The following LCORL variants were observed in gnomAD, a reference collection of about 807,000 sequenced individuals.
LCORL encodes ligand-dependent nuclear receptor corepressor-like protein.
In LCORL, 41 loss-of-function variants were observed where a neutral mutation model predicts 141.8. The observed-to-expected ratio is 0.29, with a 90% CI of 0.23 to 0.38. LCORL has a LOEUF of 0.38. Among genes scored for constraint, LCORL ranks in the 10% least tolerant of loss-of-function variants. LCORL has a pLI of 1.00. For synonymous variants in LCORL, 618 were observed against 694.1 expected (o/e 0.89, Z 1.72); for missense variants, 1,759 against 2,035.0 (o/e 0.86, Z 2.61).
intron 4 of LCORL, among the ~76,000 whole-genome samples, chr4:17,950,215 A>T (rs1170630929): frequency 1.3e-5 from 2 of 152,208 alleles, no homozygotes; most frequent in Non-Finnish European, 2.9e-5. Context: ...TAAAACTTGC[A>T]TATGAAGGTA....
intron 4 of LCORL, among the ~76,000 whole-genome samples, chr4:17,922,423 C>T (rs954692700): frequency 2.0e-5 from 3 of 152,228 alleles, no homozygotes; most frequent in Admixed American, 1.3e-4. Context: ...TTTAGTGACT[C>T]TATACATAAT....
chr4:17,866,908 A>C, intron 7 of LCORL: 1 of 687,324 alleles, frequency 1.5e-6, no homozygotes, highest in Non-Finnish European at 1.8e-6. Flanking sequence ...TTGAGGCAGG[A>C]ATTTATCATG....
chr4:17,946,334 T>C (rs1738873024), intron 4 of LCORL, among the ~76,000 whole-genome samples: 3 of 152,132 alleles, frequency 2.0e-5, no homozygotes, highest in African/African-American at 7.2e-5. Flanking sequence ...TAGACTGCTT[T>C]AGCCATGCTA....
chr4:17,940,816 G>T (rs1737831679), intron 4 of LCORL, among the ~76,000 whole-genome samples: 1 of 151,866 alleles, frequency 6.6e-6, no homozygotes, highest in South Asian at 2.1e-4. Context: ...CAAACTATGT[G>T]GATCCCAGGT....
intron 6 of LCORL, among the ~76,000 whole-genome samples, 200 bp from the exon 7 acceptor site, chr4:17,878,413 A>G (rs1727136982): frequency 6.6e-6 from 1 of 151,654 alleles, no homozygotes; most frequent in Admixed American, 6.6e-5. Flanking sequence ...GACAAAGTAT[A>G]AGTCAAAGCA....
At chr4:17,917,224 G>A (rs1733591524) in intron 4 of LCORL, among the ~76,000 whole-genome samples, 1 of 149,758 alleles carries the variant, frequency 6.7e-6, no homozygotes, top group African/African-American at 2.5e-5. Context: ...TTTTGAGAAG[G>A]AGCCTCGTTC....
At position 17,858,956 on chromosome 4, in the gene LCORL, A is replaced by G. The variant is rs140776998; in HGVS notation, c.5603-13055T>C. ...ACAGAGGAGCAAATATAAGAATGCCATACCCATCTTCTGAAACAATACAAG... is the reference window on the plus strand; with the variant it reads ...ACAGAGGAGCAAATATAAGAATGCCGTACCCATCTTCTGAAACAATACAAG... On this transcript the variant is annotated intron_variant, in intron 7 of 7. Transcript: ENST00000635767. Among the ~76,000 whole-genome samples the G allele has an allele frequency of 2.8e-4, 42 of 152,326 alleles. 1 individual carries two copies. Among genetic ancestry groups the G allele is most frequent in the African/African-American group, 9.6e-4 (40 of 41,582 alleles).
intron 2 of LCORL, among the ~76,000 whole-genome samples, chr4:17,966,049 C>T (rs563054927): frequency 6.6e-6 from 1 of 152,040 alleles, no homozygotes; most frequent in South Asian, 2.1e-4. Context: ...TTAGGCAATA[C>T]AACTAAAAAC....
intron 7 of LCORL, among the ~76,000 whole-genome samples, chr4:17,857,863 C>T (rs1380490477): frequency 6.6e-6 from 1 of 152,198 alleles, no homozygotes; most frequent in African/African-American, 2.4e-5. Flanking sequence ...CAAGATATTT[C>T]TCAATAAGTT....
intron 6 of LCORL, chr4:17,883,646 A>G: frequency 7.0e-7 from 1 of 1,436,880 alleles, no homozygotes; most frequent in Admixed American, 2.9e-5. Flanking sequence ...ACACAAATAC[A>G]CACCTGTGCA....
At chr4:17,913,424 T>G (rs1348155245) in intron 4 of LCORL, among the ~76,000 whole-genome samples, 1 of 152,274 alleles carries the variant, frequency 6.6e-6, no homozygotes, top group East Asian at 1.9e-4. Context: ...AAAACACAAT[T>G]AAAGCAATGG....
At chr4:17,880,663 T>G in intron 6 of LCORL, 1 of 983,568 alleles carries the variant, frequency 1.0e-6, no homozygotes. Flanking sequence ...ACCAACAGTG[T>G]TGTAAATTTA....
intron 4 of LCORL, chr4:17,912,111 T>C: frequency 1.3e-6 from 1 of 785,276 alleles, no homozygotes; most frequent in Non-Finnish European, 2.3e-6. Context: ...ACGTGAGGGC[T>C]CAAATTTTCG....
intron 6 of LCORL, chr4:17,882,754 AGTGT>A: frequency 2.0e-6 from 2 of 984,186 alleles, no homozygotes; most frequent in Non-Finnish European, 2.4e-6. Context: ...CAATAGTAGG[AGTGT>A]GTCACAATCC....
chr4:18,019,738 C>G (rs1458367292), intron 1 of LCORL, among the ~76,000 whole-genome samples: 1 of 151,980 alleles, frequency 6.6e-6, no homozygotes, highest in Non-Finnish European at 1.5e-5. Context: ...ATCCTCAAAT[C>G]ACTTTGTGCC....
chr4:17,876,248 A>G, exon 7 of LCORL: 1 of 1,230,988 alleles, frequency 8.1e-7, no homozygotes, highest in Non-Finnish European at 1.0e-6. Context: ...TGTTATTCAA[A>G]TCCACTGTAG....
At chr4:17,864,378 C>T (rs2109141249) in intron 7 of LCORL, among the ~76,000 whole-genome samples, 1 of 152,242 alleles carries the variant, frequency 6.6e-6, no homozygotes, top group Non-Finnish European at 1.5e-5. Flanking sequence ...GCACGTGCCA[C>T]TACATCTGGC....
At chr4:17,917,421 G>C (rs1049416548) in intron 4 of LCORL, among the ~76,000 whole-genome samples, 1 of 152,192 alleles carries the variant, frequency 6.6e-6, no homozygotes, top group Non-Finnish European at 1.5e-5. Context: ...TTGAACTCCC[G>C]ACCTCAGGTG....
At chr4:18,010,019 T>C (rs1723448486) in intron 1 of LCORL, among the ~76,000 whole-genome samples, 1 of 152,138 alleles carries the variant, frequency 6.6e-6, no homozygotes, top group East Asian at 1.9e-4. Context: ...TGAAGAACAA[T>C]TAATTATATT....
Sources: gnomAD v4.1 joint callset for allele counts (sites outside exome capture counted in the v4.1 genomes callset) on GRCh38, gnomAD v4.1.1 for gene constraint, MANE v1.5 for transcripts, NCBI Gene and HGNC (gene_info 2026-07-23, HGNC 2026-07-21) for gene names.